Variants in PLCL2 observed in about 807,000 individuals in gnomAD.
PLCL2 encodes phospholipase C like 2.
PLCL2 carries 4 observed loss-of-function variants against 79.6 expected under a neutral mutation model. The ratio of observed to expected loss-of-function variants is 0.05; its 90% CI spans 0.02 to 0.11. The LOEUF is 0.11. Among genes scored for constraint, PLCL2 ranks in the 10% least tolerant of loss-of-function variants. PLCL2 has a pLI of 1.00. For synonymous variants in PLCL2, 484 were observed against 457.7 expected, an observed-to-expected ratio of 1.06 and a Z score of -0.73; for missense variants, 895 against 1,291.0, an observed-to-expected ratio of 0.69 and a Z score of 4.70.
Position 17,004,432 on chromosome 3 carries a change from C to T in PLCL2, c.328-5242C>T, listed in dbSNP as rs79610137. ...AGCGCCCATGGAGGAGAGGCATCCA[C>T]AGGCCAAGGAGTTTCTGTTACTTGC... On this transcript the variant is annotated intron_variant, in intron 1 of 5. Transcript: ENST00000615277. Among the ~76,000 whole-genome samples the T allele has an allele frequency of 7.0e-3, 1,060 of 152,252 alleles. 36 individuals carry two copies. The East Asian group carries it at 0.11, about 16-fold the overall frequency.
chr3:17,068,207 TG>T (rs2065028896), intron 5 of PLCL2, 142 bp downstream of exon 5: 2 of 582,106 alleles, frequency 3.4e-6, no homozygotes, highest in South Asian at 4.7e-5. Context: ...TGAAGAACTC[TG>T]CCCTTCTAGA....
intron 5 of PLCL2, among the ~76,000 whole-genome samples, chr3:17,077,483 G>A (rs2065119362): frequency 6.6e-6 from 1 of 152,032 alleles, no homozygotes; most frequent in Non-Finnish European, 1.5e-5. Context: ...GTGGCTTTTT[G>A]CTTGGCTTTG....
intron 5 of PLCL2, among the ~76,000 whole-genome samples, chr3:17,082,907 C>T (rs374510258): frequency 1.3e-5 from 2 of 151,984 alleles, no homozygotes; most frequent in Non-Finnish European, 2.9e-5. Flanking sequence ...AAAGACAAAA[C>T]TCATTGTTTA....
chr3:16,964,308 A>C (rs1030844407), intron 1 of PLCL2, among the ~76,000 whole-genome samples: 2 of 151,828 alleles, frequency 1.3e-5, no homozygotes, highest in Non-Finnish European at 2.9e-5. Flanking sequence ...CCTGAGAATG[A>C]TGGTTTCCAG....
chr3:16,956,550 A>G (rs2124964605), intron 1 of PLCL2, among the ~76,000 whole-genome samples: 1 of 152,308 alleles, frequency 6.6e-6, no homozygotes, highest in South Asian at 2.1e-4. Flanking sequence ...TCATAAAATG[A>G]GTTAGGCAGG....
chr3:16,929,108 GC>G (rs534458311), intron 1 of PLCL2, among the ~76,000 whole-genome samples: 116,354 of 149,464 alleles, frequency 0.78, 58,177 homozygotes, highest in South Asian at 0.83. Context: ...GTAATTCTGA[GC>G]GGTGAGGATA....
At chr3:17,045,766 G>A (rs375833873) in intron 4 of PLCL2, among the ~76,000 whole-genome samples, 1 of 152,166 alleles carries the variant, frequency 6.6e-6, no homozygotes, top group Non-Finnish European at 1.5e-5. Context: ...AAGGATGTGA[G>A]GTCAGGAATG....
intron 1 of PLCL2, among the ~76,000 whole-genome samples, chr3:16,891,042 A>T (rs1043820933): frequency 2.0e-5 from 3 of 152,214 alleles, no homozygotes; most frequent in Non-Finnish European, 4.4e-5. Context: ...AGGGGTAATT[A>T]GGTGAACCAT....
chr3:17,047,812 C>G (rs918939585), intron 4 of PLCL2, among the ~76,000 whole-genome samples: 5 of 152,204 alleles, frequency 3.3e-5, no homozygotes, highest in Admixed American at 3.3e-4. Flanking sequence ...CTGTTCAGAT[C>G]TGGACATGGT....
At chr3:16,966,610 C>T (rs1270265415) in intron 1 of PLCL2, among the ~76,000 whole-genome samples, 1 of 151,972 alleles carries the variant, frequency 6.6e-6, no homozygotes, top group East Asian at 1.9e-4. Flanking sequence ...CTCCTTGTAC[C>T]TCTGGTAGAA....
intron 5 of PLCL2, among the ~76,000 whole-genome samples, chr3:17,071,588 A>G (rs1174839833): frequency 1.3e-5 from 2 of 152,188 alleles, no homozygotes; most frequent in Non-Finnish European, 2.9e-5. Flanking sequence ...GAACCTTTCT[A>G]TATGAATATG....
At chr3:16,901,247 T>C (rs1696612132) in intron 1 of PLCL2, among the ~76,000 whole-genome samples, 1 of 152,170 alleles carries the variant, frequency 6.6e-6, no homozygotes. Flanking sequence ...CTTTCAAGAG[T>C]TACATGGAAG....
At chr3:17,048,404 T>C (rs2064803823) in intron 4 of PLCL2, among the ~76,000 whole-genome samples, 1 of 152,076 alleles carries the variant, frequency 6.6e-6, no homozygotes, top group African/African-American at 2.4e-5. Flanking sequence ...CATGGAAATA[T>C]CAAAAAATTT....
chr3:16,933,756 G>A (rs909193341), intron 1 of PLCL2, among the ~76,000 whole-genome samples: 4 of 151,832 alleles, frequency 2.6e-5, no homozygotes, highest in African/African-American at 9.7e-5. Context: ...GTATAGATGT[G>A]TAATTTATTT....
rs75005060 is a variant in PLCL2 at position 16,924,681 on chromosome 3, G to A, written c.327+39315G>A. 9.0e-3 allele frequency among the ~76,000 whole-genome samples: 1,370 copies of A among 152,196 alleles called. 24 individuals carry two copies. The highest frequency in any genetic ancestry group is 0.031 in the African/African-American group (1,305 of 41,508). On this transcript the variant is annotated intron_variant, in intron 1 of 5. Transcript: ENST00000615277. The stretch of plus-strand genomic sequence containing the variant: ...GGACTATACCAGTTAAAGGTCATTG[G>A]CAGAGAAAATGCAGAGTGATAGATT...
chr3:16,937,711 C>T (rs1310884320), intron 1 of PLCL2, among the ~76,000 whole-genome samples: 2 of 152,214 alleles, frequency 1.3e-5, no homozygotes, highest in Non-Finnish European at 2.9e-5. Flanking sequence ...CCAAGTTATA[C>T]ACTTGACTAG....
chr3:16,941,653 TCTC>T (rs1365946497), intron 1 of PLCL2, among the ~76,000 whole-genome samples: 1 of 152,200 alleles, frequency 6.6e-6, no homozygotes, highest in East Asian at 1.9e-4. Context: ...CTTTGATTCT[TCTC>T]AGCACAAACT....
chr3:16,975,006 C>G (rs966389989), intron 1 of PLCL2, among the ~76,000 whole-genome samples: 1 of 152,122 alleles, frequency 6.6e-6, no homozygotes, highest in African/African-American at 2.4e-5. Flanking sequence ...CAGTTACAGG[C>G]TTCTAAGGTG....
rs566720604 is a variant in PLCL2 at position 16,939,606 on chromosome 3, G to C, written c.327+54240G>C. 5.9e-5 allele frequency among the ~76,000 whole-genome samples: 9 copies of C among 152,300 alleles called. No homozygotes were observed. In the East Asian group the frequency reaches 1.7e-3, roughly 29 times the overall value. ...TGTGTGTGCAGTGTATTAAAATTGG[G>C]TGAAACAATAAAAAAGTAGTTATTT... On this transcript the variant is annotated intron_variant, in intron 1 of 5. Transcript: ENST00000615277.
Sources: allele counts gnomAD v4.1 joint callset (sites outside exome capture counted in the v4.1 genomes callset), GRCh38; gene constraint gnomAD v4.1.1; transcripts MANE v1.5; gene names NCBI Gene and HGNC (gene_info 2026-07-23, HGNC 2026-07-21).